The following NFATC2 variants were observed in gnomAD, a reference collection of about 807,000 sequenced individuals.
The protein encoded by NFATC2 is nuclear factor of activated T-cells, cytoplasmic 2.
A neutral mutation model predicts 87.3 loss-of-function variants in NFATC2; 22 were observed. That is an observed-to-expected ratio of 0.25 (90% CI 0.18 to 0.36). The LOEUF (loss-of-function observed/expected upper bound fraction) is 0.36. Among genes scored for constraint, NFATC2 ranks in the 10% least tolerant of loss-of-function variants. The pLI is 1.00. For missense variants in NFATC2, 1,149 were observed against 1,259.1 expected (o/e 0.91, Z 1.32); for synonymous variants, 565 against 542.2 (o/e 1.04, Z -0.58).
In NFATC2 at chr20:51,516,891, C is replaced by T. The variant is rs367827625; in HGVS notation, c.1225G>A (p.Glu409Lys). 9 of 1,613,894 alleles carry T rather than the reference C, an allele frequency of 5.6e-6. No homozygotes were observed. Among genetic ancestry groups the T allele is most frequent in the Admixed American group, 1.7e-5 (1 of 59,980 alleles). Residue 409 changes from glutamate (E) to lysine (K), a missense_variant, in exon 3 of 11, where the codon GAG becomes AAG. Transcript: ENST00000371564. The stretch of plus-strand genomic sequence containing the variant: ...TTGGGCTGCACCTCGATCCGCAGCT[C>T]GTAAGAGCCTGACTGACTGGACAGC... Reference protein sequence around the residue: ...WPLSSQSGSYELRIEVQPKPH... With the variant: ...WPLSSQSGSYKLRIEVQPKPH...
intron 1 of NFATC2, among the ~76,000 whole-genome samples, chr20:51,550,262 T>C (rs953998887): frequency 6.6e-5 from 10 of 152,066 alleles, no homozygotes; most frequent in Admixed American, 6.6e-4. Flanking sequence ...CACCACTGCA[T>C]TCCAAAAGAG....
intron 6 of NFATC2, 64 bp downstream of exon 6, chr20:51,454,484 A>T (rs904173280): frequency 1.9e-6 from 3 of 1,588,608 alleles, no homozygotes; most frequent in African/African-American, 1.3e-5. Flanking sequence ...GTTGTATATA[A>T]TAAAGAGATG....
At chr20:51,404,621 T>C (rs1988377330) in intron 9 of NFATC2, among the ~76,000 whole-genome samples, 1 of 152,246 alleles carries the variant, frequency 6.6e-6, no homozygotes, top group African/African-American at 2.4e-5. Flanking sequence ...AGGATGCTTG[T>C]TAACAGACTG....
At chr20:51,440,106 A>G (rs2146369036) in intron 6 of NFATC2, among the ~76,000 whole-genome samples, 1 of 152,152 alleles carries the variant, frequency 6.6e-6, no homozygotes, top group Admixed American at 6.5e-5. Flanking sequence ...GCATGGTGGC[A>G]TGCACCTGTA....
intron 1 of NFATC2, among the ~76,000 whole-genome samples, chr20:51,528,079 C>A (rs533225840): frequency 4.7e-4 from 64 of 136,014 alleles, no homozygotes; most frequent in Non-Finnish European, 7.7e-4. Context: ...GGATGAGAAC[C>A]TGTCCCAAAA....
chr20:51,418,982 C>T (rs368491818), intron 9 of NFATC2, among the ~76,000 whole-genome samples: 1 of 149,230 alleles, frequency 6.7e-6, no homozygotes. Context: ...CTTTATAGTA[C>T]GTATTTACCA....
At chr20:51,486,425 C>T (rs1371448725) in intron 3 of NFATC2, among the ~76,000 whole-genome samples, 1 of 152,186 alleles carries the variant, frequency 6.6e-6, no homozygotes, top group Non-Finnish European at 1.5e-5. Flanking sequence ...GGTCTTCCCA[C>T]AGCTGGTTCC....
chr20:51,552,611 G>C (rs2076943557), intron 1 of NFATC2, among the ~76,000 whole-genome samples: 1 of 152,108 alleles, frequency 6.6e-6, no homozygotes, highest in South Asian at 2.1e-4. Flanking sequence ...GGCAGGCACT[G>C]ATGGCCATCA....
intron 5 of NFATC2, among the ~76,000 whole-genome samples, chr20:51,465,542 C>G (rs540850562): frequency 6.6e-6 from 1 of 152,244 alleles, no homozygotes; most frequent in East Asian, 1.9e-4. Context: ...CCCTGGGTAC[C>G]TTTCTCCTCC....
At chr20:51,542,751 G>GGGT (rs1555819107), upstream of NFATC2, 3 of 614,690 alleles carry the variant, frequency 4.9e-6, 1 homozygote, top group Non-Finnish European at 5.8e-6. Context: ...CGGGGAGGCG[G>GGGT]GGGGGGGGGG....
At chr20:51,413,692 G>A (rs1250996049) in intron 9 of NFATC2, among the ~76,000 whole-genome samples, 1 of 152,190 alleles carries the variant, frequency 6.6e-6, no homozygotes, top group Non-Finnish European at 1.5e-5. Flanking sequence ...AGGAGTTCAA[G>A]GCTGCAGTGA....
chr20:51,496,356 A>C (rs781181756), intron 3 of NFATC2, among the ~76,000 whole-genome samples: 2 of 152,110 alleles, frequency 1.3e-5, no homozygotes, highest in Non-Finnish European at 2.9e-5. Context: ...GGTCTTGAGC[A>C]ATCAGAAACA....
At chr20:51,485,233 T>C (rs1043612074) in intron 3 of NFATC2, among the ~76,000 whole-genome samples, 12 of 152,196 alleles carry the variant, frequency 7.9e-5, no homozygotes, top group African/African-American at 2.9e-4. Flanking sequence ...GACCAAACGC[T>C]GCACCCCAGC....
At chr20:51,546,755 G>T (rs1197087689), upstream of NFATC2, among the ~76,000 whole-genome samples, 1 of 152,198 alleles carries the variant, frequency 6.6e-6, no homozygotes, top group Non-Finnish European at 1.5e-5. Flanking sequence ...AGGAGAATGT[G>T]TTACAGAGCT....
intron 1 of NFATC2, among the ~76,000 whole-genome samples, chr20:51,555,259 G>A (rs1403271490): frequency 1.3e-5 from 2 of 152,074 alleles, no homozygotes; most frequent in Non-Finnish European, 2.9e-5. Flanking sequence ...TTCCCCCAGG[G>A]GCTCCTGATT....
At chr20:51,538,531 A>G (rs1897084520) in intron 1 of NFATC2, among the ~76,000 whole-genome samples, 1 of 152,226 alleles carries the variant, frequency 6.6e-6, no homozygotes, top group African/African-American at 2.4e-5. Flanking sequence ...TAGTTAATGC[A>G]ATTAGACAAG....
intron 9 of NFATC2, among the ~76,000 whole-genome samples, chr20:51,415,854 T>C (rs1183217169): frequency 6.6e-6 from 1 of 152,096 alleles, no homozygotes; most frequent in Non-Finnish European, 1.5e-5. Context: ...ATGTTGTCAG[T>C]CTCACAGGAG....
At chr20:51,462,849 T>C (rs994653049) in intron 5 of NFATC2, among the ~76,000 whole-genome samples, 25 of 152,250 alleles carry the variant, frequency 1.6e-4, no homozygotes, top group African/African-American at 5.5e-4. Flanking sequence ...AGGAATAAGC[T>C]TGGGAGCTCA....
At position 51,435,321 on chromosome 20, in the gene NFATC2, G is replaced by A; in HGVS notation, c.1906-7C>T. The A allele has an allele frequency of 6.2e-7, 1 of 1,614,086 alleles. No homozygotes were observed. Among genetic ancestry groups the A allele is most frequent in the Non-Finnish European group, 8.5e-7 (1 of 1,180,002 alleles). On this transcript the variant is annotated splice_region_variant and splice_polypyrimidine_tract_variant and intron_variant, in intron 7 of 10. Coordinates refer to ENST00000371564, the MANE Select transcript of NFATC2 (RefSeq NM_012340.5). Reference sequence around the variant, plus strand: ...TCTCAACAAAAAGCATGTTCTATAAGGAAGGAGTTGTCATGAACTTAACTG... The same window carrying A: ...TCTCAACAAAAAGCATGTTCTATAAAGAAGGAGTTGTCATGAACTTAACTG...
Sources: allele counts gnomAD v4.1 joint callset (sites outside exome capture counted in the v4.1 genomes callset), GRCh38; gene constraint gnomAD v4.1.1; transcripts MANE v1.5; gene names NCBI Gene and HGNC (gene_info 2026-07-23, HGNC 2026-07-21).